Variants in AAK1 observed in about 807,000 individuals in gnomAD.
AAK1 encodes the protein AP2 associated kinase 1.
A neutral mutation model predicts 116.0 loss-of-function variants in AAK1; 37 were observed. The ratio of observed to expected loss-of-function variants is 0.32; its 90% CI spans 0.25 to 0.42. AAK1 has a LOEUF of 0.42. AAK1 is among the 10% of genes least tolerant of loss of function. The pLI is 1.00. For synonymous variants in AAK1, 458 were observed against 439.9 expected (o/e 1.04, Z -0.51); for missense variants, 919 against 1,170.6 (o/e 0.79, Z 3.14).
Position 69,466,128 on chromosome 2 carries a change from G to A in AAK1, c.*9741C>T. 1 of 1,290,586 alleles carries A rather than the reference G, an allele frequency of 7.7e-7. No homozygotes were observed. The highest frequency in any genetic ancestry group is 1.0e-6 in the Non-Finnish European group (1 of 988,876). 79.9% of individuals were successfully genotyped at this position (1,290,586 alleles called of 1,614,324 possible). A position where few individuals can be genotyped will look rare whatever the true frequency, so the allele number is the denominator to read the frequency against. Reference sequence around the variant, plus strand: ...GAAGGGAGCTATGGCAAAAACATCTGGCTCACTGAGCCCATCAGTGGCTGG... The same window carrying A: ...GAAGGGAGCTATGGCAAAAACATCTAGCTCACTGAGCCCATCAGTGGCTGG... On this transcript the variant is annotated 3_prime_UTR_variant, in exon 22 of 22. Transcript: ENST00000409085.
At chr2:69,590,084 T>C (rs904111207) in intron 2 of AAK1, among the ~76,000 whole-genome samples, 4 of 152,190 alleles carry the variant, frequency 2.6e-5, no homozygotes, top group African/African-American at 9.7e-5. Flanking sequence ...GACAGGAAGA[T>C]AAGCTGGGAG....
At chr2:69,588,302 A>C (rs1002592604) in intron 2 of AAK1, among the ~76,000 whole-genome samples, 9 of 152,116 alleles carry the variant, frequency 5.9e-5, no homozygotes, top group African/African-American at 2.2e-4. Context: ...CTTCTTTCCT[A>C]AGTAAGGCCC....
rs1674327769 is a variant in AAK1, at chr2:69,461,032, G to A, written c.*14837C>T. 1 of 152,194 alleles carries A rather than the reference G, an allele frequency of 6.6e-6. No homozygotes were observed. The highest frequency in any genetic ancestry group is 2.4e-5 in the African/African-American group (1 of 41,450). 9.4% of individuals were successfully genotyped at this position (152,194 alleles called of 1,614,324 possible). Reference sequence around the variant, plus strand: ...AAACAAGAAAGTAGAGTTGTTTGTTGATTATATACAGTCATGTGCTGCATA... The same window carrying A: ...AAACAAGAAAGTAGAGTTGTTTGTTAATTATATACAGTCATGTGCTGCATA... On this transcript the variant is annotated 3_prime_UTR_variant, in exon 22 of 22. Transcript: ENST00000409085.
In AAK1 at chr2:69,466,477, G is replaced by T. The variant is rs912580795; in HGVS notation, c.*9392C>A. 38 of 1,274,916 alleles carry T rather than the reference G, an allele frequency of 3.0e-5. No homozygotes were observed. The highest frequency in any genetic ancestry group is 3.8e-5 in the Non-Finnish European group (37 of 979,834). 79.0% of individuals were successfully genotyped at this position (1,274,916 alleles called of 1,614,324 possible). A position where few individuals can be genotyped will look rare whatever the true frequency, so the allele number is the denominator to read the frequency against. On this transcript the variant is annotated 3_prime_UTR_variant, in exon 22 of 22. Coordinates refer to ENST00000409085, the MANE Select transcript of AAK1 (RefSeq NM_014911.5). ...CTGGAGGGGTCTGGATACAGCGGAA[G>T]GCCTTTAACACCCAGTGATTCTTTA... is the stretch of plus-strand genomic sequence containing the variant.
Position 69,472,428 on chromosome 2 carries a change from A to G in AAK1, c.*3441T>C, listed in dbSNP as rs1307664613. 1 of 301,748 alleles carries G rather than the reference A, an allele frequency of 3.3e-6. No individual in the cohort carries two copies. The highest frequency in any genetic ancestry group is 4.9e-6 in the Non-Finnish European group (1 of 205,160). The allele number at this position is 301,748 out of a possible 1,614,324, so 18.7% of individuals were successfully genotyped here. A position where few individuals can be genotyped will look rare whatever the true frequency, so the allele number is the denominator to read the frequency against. On this transcript the variant is annotated 3_prime_UTR_variant, in exon 22 of 22. Transcript: ENST00000409085. ...ATTATTTCTAAGGAGAGGAGTTTCA[A>G]AAATAACTTTAAGGATGGCAGCATC... is the stretch of plus-strand genomic sequence containing the variant.
intron 2 of AAK1, among the ~76,000 whole-genome samples, chr2:69,638,492 A>G (rs933797196): frequency 5.9e-5 from 9 of 152,162 alleles, no homozygotes; most frequent in African/African-American, 2.2e-4. Context: ...CAGTCTTTCA[A>G]AAGGCCCAGG....
At position 69,478,955 on chromosome 2, in the gene AAK1, A is replaced by C. The variant is rs779810765; in HGVS notation, c.2676T>G (p.His892Gln). The part of the protein sequence containing the change: ...FAPTAISAPV[H>Q]KAAEDSNLIS... Reference sequence around the variant, plus strand: ...TGAGAAGAAGAAAGCATTTACCTTTATGGACTGGAGCAGAGATTGCTGTGG... The same window carrying C: ...TGAGAAGAAGAAAGCATTTACCTTTCTGGACTGGAGCAGAGATTGCTGTGG... Residue 892 changes from histidine to glutamine, a missense_variant, in exon 20 of 22, where the codon CAT (histidine) becomes CAG (glutamine). Coordinates refer to ENST00000409085, the MANE Select transcript of AAK1 (RefSeq NM_014911.5). 5.6e-6 allele frequency: 9 copies of C among 1,609,116 alleles called. No individual in the cohort carries two copies. The highest frequency in any genetic ancestry group is 1.1e-5 in the South Asian group (1 of 90,974).
intron 2 of AAK1, among the ~76,000 whole-genome samples, chr2:69,630,673 G>C (rs976844331): frequency 2.0e-5 from 3 of 152,156 alleles, no homozygotes; most frequent in African/African-American, 7.2e-5. Context: ...TTCCAGCCAA[G>C]GGCTATTTAC....
At chr2:69,556,839 A>G in intron 3 of AAK1, 21 bp downstream of exon 3, 1 of 1,579,638 alleles carries the variant, frequency 6.3e-7, no homozygotes. Flanking sequence ...AAACAGTCCC[A>G]AGTCCAAGGG....
At chr2:69,604,155 C>T (rs1195200125) in intron 2 of AAK1, among the ~76,000 whole-genome samples, 1 of 152,208 alleles carries the variant, frequency 6.6e-6, no homozygotes, top group Non-Finnish European at 1.5e-5. Flanking sequence ...CAAAAGCTGC[C>T]TTTGATGCAC....
intron 17 of AAK1, among the ~76,000 whole-genome samples, chr2:69,493,679 G>A (rs1024109421): frequency 6.6e-6 from 1 of 152,206 alleles, no homozygotes; most frequent in Non-Finnish European, 1.5e-5. Context: ...GATGAGGAAA[G>A]ACAGACTATG....
Position 69,477,793 on chromosome 2 carries a change from C to T in AAK1, c.2681-803G>A, listed in dbSNP as rs148998147. 1.3e-3 allele frequency among the ~76,000 whole-genome samples: 191 copies of T among 152,300 alleles called. 1 individual carries two copies. Among genetic ancestry groups the T allele is most frequent in the South Asian group, 7.5e-3 (36 of 4,822 alleles). ...GGTAAAAACAAAAACTCAGCTATTA[C>T]CATTGCAAACCACAGAGGTGATTAT... On this transcript the variant is annotated intron_variant, in intron 20 of 21. Coordinates refer to ENST00000409085, the MANE Select transcript of AAK1 (RefSeq NM_014911.5).
chr2:69,480,871 G>A lies in AAK1; in HGVS notation c.2558C>T (p.Ser853Leu), dbSNP rs759128042. The A allele has an allele frequency of 1.1e-5, 18 of 1,598,508 alleles. No individual in the cohort carries two copies. Among genetic ancestry groups the A allele is most frequent in the Non-Finnish European group, 1.5e-5 (18 of 1,173,034 alleles). The change falls in exon 19 of 22, where the codon TCG becomes TTG. Residue 853 changes from serine (S) to leucine (L), a missense_variant. By Grantham distance (145) the Ser-to-Leu change is moderately radical (BLOSUM62 -2). Around this residue, in one of 4 missense-constraint regions of AAK1, gnomAD observed 263 missense variants for 285.5 expected, o/e 0.92. Coordinates refer to ENST00000409085, the MANE Select transcript of AAK1 (RefSeq NM_014911.5). Reference protein sequence around the residue: ...RLPSQTESVTSNRTDSLTGED... With the variant: ...RLPSQTESVTLNRTDSLTGED... ...GACACCTGACTGACCTGTGCGATTC[G>A]AGGTCACAGATTCCGTCTGAGATGG...
intron 18 of AAK1, 43 bp from the exon 19 acceptor site, chr2:69,481,004 G>A (rs762582809): frequency 6.2e-5 from 90 of 1,460,586 alleles, no homozygotes; most frequent in Non-Finnish European, 7.1e-5. Context: ...GTAAGGGAAA[G>A]GGAGTCAGAA....
At chr2:69,637,031 C>T (rs965681845) in intron 2 of AAK1, among the ~76,000 whole-genome samples, 1 of 152,152 alleles carries the variant, frequency 6.6e-6, no homozygotes, top group Non-Finnish European at 1.5e-5. Flanking sequence ...CCATATGTGG[C>T]TAGTGGGCTA....
intron 2 of AAK1, among the ~76,000 whole-genome samples, chr2:69,605,634 C>G (rs1011830420): frequency 2.6e-5 from 4 of 152,154 alleles, no homozygotes; most frequent in African/African-American, 9.7e-5. Context: ...AAAAAACATG[C>G]TGAGGATGTT....
chr2:69,462,259 C>A lies in AAK1; in HGVS notation c.*13610G>T, dbSNP rs944406825. 6.7e-6 allele frequency: 1 copy of A among 150,218 alleles called. No individual in the cohort carries two copies. The highest frequency in any genetic ancestry group is 2.5e-5 in the African/African-American group (1 of 40,732). The allele number at this position is 150,218 out of a possible 1,614,324, so 9.3% of individuals were successfully genotyped here. A position where few individuals can be genotyped will look rare whatever the true frequency, so the allele number is the denominator to read the frequency against. ...GGGCGGGATAGCATTAGGAGATATA[C>A]CTAATGCTAAATGACGAGTTAGTGG... On this transcript the variant is annotated 3_prime_UTR_variant, in exon 22 of 22. Transcript: ENST00000409085.
rs572352752 is a variant in AAK1, at chr2:69,469,321, C to A, written c.*6548G>T. ...GTGGCAGCACCAGAAACAAGGTAGTCGAGAGAAGGATAAATTCCAAATATA... is the reference window on the plus strand; with the variant it reads ...GTGGCAGCACCAGAAACAAGGTAGTAGAGAGAAGGATAAATTCCAAATATA... On this transcript the variant is annotated 3_prime_UTR_variant, in exon 22 of 22. Transcript: ENST00000409085. 9.1e-6 allele frequency: 9 copies of A among 985,166 alleles called. No individual in the cohort carries two copies. The South Asian group carries it at 4.2e-4, about 46-fold the overall frequency. The allele number at this position is 985,166 out of a possible 1,614,324, so 61.0% of individuals were successfully genotyped here.
chr2:69,507,347 T>A (rs765714996), intron 15 of AAK1, 74 bp downstream of exon 15: 21 of 1,527,682 alleles, frequency 1.4e-5, no homozygotes, highest in Non-Finnish European at 1.9e-5. Flanking sequence ...TTACGATTCT[T>A]TCTCATTCCT....
Sources: allele counts gnomAD v4.1 joint callset (sites outside exome capture counted in the v4.1 genomes callset), GRCh38; gene constraint gnomAD v4.1.1; regional missense constraint gnomAD v4.1.1; transcripts MANE v1.5; gene names NCBI Gene and HGNC (gene_info 2026-07-23, HGNC 2026-07-21).